MBP: variants seen among roughly 807,000 people sequenced by gnomAD.
MBP encodes myelin basic protein.
MBP carries 16 observed loss-of-function variants against 35.8 expected under a neutral mutation model. The observed-to-expected ratio is 0.45, with a 90% CI of 0.30 to 0.68. MBP has a LOEUF of 0.68. Among genes scored for constraint, MBP ranks in the 30% least tolerant of loss-of-function variants. MBP has a pLI of 0.08. For missense variants in MBP, 380 were observed against 404.7 expected (o/e 0.94, Z 0.52); for synonymous variants, 143 against 159.6 (o/e 0.90, Z 0.78).
chr18:77,028,361 A>G (rs1322467814), intron 3 of MBP, among the ~76,000 whole-genome samples: 1 of 132,036 alleles, frequency 7.6e-6, no homozygotes, highest in Non-Finnish European at 1.7e-5. Flanking sequence ...TTAGTACAGA[A>G]CAAAATGAAA....
rs1301787911 is a variant in MBP, at chr18:76,989,076, C to A, written c.682-164G>T. ...GTCCTAGTTGGTGAAGAAGTATAGA[C>A]CTGAGATTGAAAATATTCTAGATGA... On this transcript the variant is annotated intron_variant, in intron 5 of 8. Transcript: ENST00000355994. The surrounding 1 kb of genome is among the most constrained non-coding windows in gnomAD (Gnocchi z 4.0). 4.0e-6 allele frequency: 3 copies of A among 746,334 alleles called. No individual in the cohort carries two copies. Among genetic ancestry groups the A allele is most frequent in the East Asian group, 5.0e-5 (2 of 39,674 alleles). The allele number at this position is 746,334 out of a possible 1,614,324, so 46.2% of individuals were successfully genotyped here.
intron 1 of MBP, chr18:77,115,359 T>C (rs925391095): frequency 2.0e-5 from 3 of 152,240 alleles, no homozygotes; most frequent in African/African-American, 7.2e-5. Flanking sequence ...AACAAATGTG[T>C]TGGCCCCATG....
chr18:77,053,902 G>C (rs954397981), intron 3 of MBP, among the ~76,000 whole-genome samples: 1 of 152,210 alleles, frequency 6.6e-6, no homozygotes, highest in African/African-American at 2.4e-5. Flanking sequence ...TCCGGAGTCG[G>C]GGCTCGGACA....
rs78045313 is a variant in MBP at position 77,105,297 on chromosome 18, A to G, written c.-25-11T>C. On this transcript the variant is annotated splice_polypyrimidine_tract_variant and intron_variant, in intron 1 of 8. Transcript: ENST00000355994. ...TTGGCTCTTCAGAGGCTAAAAGAGA[A>G]AGAGAAAGTGTCAGCCCTAAGTCTA... 23,560 of 1,566,700 alleles carry G rather than the reference A, an allele frequency of 0.015. 343 individuals are homozygous for G. Among genetic ancestry groups the G allele is most frequent in the East Asian group, 0.07 (3,133 of 44,472 alleles).
rs920137772 is a variant in MBP, at chr18:77,131,304, C to G, written c.-26+1276G>C. ...ATACGGTCCCCTGACTTGAGGGTGA[C>G]CGTCCTTAAACTGTCCCCCGGAGCT... On this transcript the variant is annotated intron_variant, in intron 1 of 8. Coordinates refer to ENST00000355994, the MANE Select transcript of MBP (RefSeq NM_001025101.2). This position sits in a 1 kb window ranked among gnomAD's most constrained non-coding sequence, Gnocchi z 5.5. 7.9e-5 allele frequency among the ~76,000 whole-genome samples: 12 copies of G among 152,162 alleles called. No homozygotes were observed. The highest frequency in any genetic ancestry group is 2.9e-4 in the African/African-American group (12 of 41,426).
intron 4 of MBP, among the ~76,000 whole-genome samples, chr18:76,999,529 C>T (rs547007953): frequency 6.6e-6 from 1 of 151,322 alleles, no homozygotes; most frequent in African/African-American, 2.4e-5. Context: ...GATCTTGGCT[C>T]ACTGCAACCT....
Position 77,001,171 on chromosome 18 carries a change from T to C in MBP, c.577-11111A>G, listed in dbSNP as rs1970612751. Among the ~76,000 whole-genome samples the C allele has an allele frequency of 2.0e-5, 3 of 152,188 alleles. No individual in the cohort carries two copies. The South Asian group carries it at 6.2e-4, about 32-fold the overall frequency. On this transcript the variant is annotated intron_variant, in intron 4 of 8. Transcript: ENST00000355994. ...CCCACCGGGTCCCCGCCCACCCGGT[T>C]CCCACTCATAGGGTCCCCGCTCACT...
chr18:77,066,131 C>T (rs900753454), intron 3 of MBP, 167 bp downstream of exon 3: 7 of 620,028 alleles, frequency 1.1e-5, no homozygotes, highest in Admixed American at 5.9e-5. Flanking sequence ...ATGAAGTGTG[C>T]GATTACAGAC....
At chr18:77,127,813 A>T in intron 1 of MBP, 1 of 152,170 alleles carries the variant, frequency 6.6e-6, no homozygotes, top group East Asian at 1.9e-4. Context: ...AATGCAAATT[A>T]AACCATCAGG....
chr18:77,095,595 T>C (rs1975726024), intron 2 of MBP: 1 of 152,240 alleles, frequency 6.6e-6, no homozygotes, highest in Non-Finnish European at 1.5e-5. Flanking sequence ...AACACATAAT[T>C]GCAAGAGGAA....
chr18:77,016,418 G>C lies in MBP; in HGVS notation c.576+414C>G, dbSNP rs1340287851. 7 of 1,015,314 alleles carry C rather than the reference G, an allele frequency of 6.9e-6. No individual in the cohort carries two copies. The African/African-American group carries it at 1.0e-4, about 15-fold the overall frequency. 62.9% of individuals were successfully genotyped at this position (1,015,314 alleles called of 1,614,324 possible). ...CATGAAGCTAGCAGCACTGACTCCA[G>C]GAAAAAACGAGCATAACCCAGTGTT... On this transcript the variant is annotated intron_variant, in intron 4 of 8. Coordinates refer to ENST00000355994, the MANE Select transcript of MBP (RefSeq NM_001025101.2).
At chr18:77,106,338 G>C (rs1976275418) in intron 1 of MBP, among the ~76,000 whole-genome samples, 2 of 152,136 alleles carry the variant, frequency 1.3e-5, no homozygotes, top group East Asian at 1.9e-4. Flanking sequence ...ATGTTACCGG[G>C]GTCCCTTTTT....
chr18:77,121,353 T>C lies in MBP; in HGVS notation c.-26+11227A>G, dbSNP rs545732363. On this transcript the variant is annotated intron_variant, in intron 1 of 8. Transcript: ENST00000355994. ...AAATAAGATTTTTACTTTAAGTTCC[T>C]ATAGTACGTGTTATTTTGGTGTTGC... 5.9e-5 allele frequency among the ~76,000 whole-genome samples: 9 copies of C among 152,278 alleles called. No individual in the cohort carries two copies. The South Asian group carries it at 8.3e-4, about 14-fold the overall frequency.
At chr18:77,005,671 T>C (rs1436909851) in intron 4 of MBP, 2 of 152,326 alleles carry the variant, frequency 1.3e-5, no homozygotes, top group Non-Finnish European at 2.9e-5. Flanking sequence ...ATTTTCATTT[T>C]ACAGTTTCGG....
chr18:76,995,631 AAAC>A (rs571279726), intron 4 of MBP, among the ~76,000 whole-genome samples: 20 of 152,366 alleles, frequency 1.3e-4, no homozygotes, highest in Admixed American at 4.6e-4. Context: ...ATGTTAAAAA[AAAC>A]AACGACCACG....
chr18:77,069,661 G>C (rs1167204139), intron 2 of MBP, among the ~76,000 whole-genome samples: 1 of 152,178 alleles, frequency 6.6e-6, no homozygotes, highest in African/African-American at 2.4e-5. Flanking sequence ...TAAGTGCGTG[G>C]CGGGGGATAA....
rs139336753 is a variant in MBP, at chr18:77,008,120, C to G, written c.576+8712G>C. Among the ~76,000 whole-genome samples, 184 of 152,244 alleles carry G rather than the reference C, an allele frequency of 1.2e-3. 2 individuals are homozygous for G. Among genetic ancestry groups the G allele is most frequent in the African/African-American group, 4.1e-3 (172 of 41,546 alleles). On this transcript the variant is annotated intron_variant, in intron 4 of 8. Coordinates refer to ENST00000355994, the MANE Select transcript of MBP (RefSeq NM_001025101.2). ...AGCAGGGAACGGGGTAGGGGCCAAG[C>G]CGCTACCTGCCAGCGCGTCACACAC...
At chr18:77,024,994 C>G (rs931179530) in intron 3 of MBP, among the ~76,000 whole-genome samples, 3 of 152,186 alleles carry the variant, frequency 2.0e-5, no homozygotes, top group African/African-American at 7.2e-5. Flanking sequence ...CATTCCTGAG[C>G]AGATTGCAGG....
chr18:77,086,538 T>C (rs1683133238), intron 2 of MBP, among the ~76,000 whole-genome samples: 1 of 152,226 alleles, frequency 6.6e-6, no homozygotes, highest in African/African-American at 2.4e-5. Context: ...AACCTCTCTA[T>C]GGAGCATTCA....
Sources: allele counts gnomAD v4.1 joint callset (sites outside exome capture counted in the v4.1 genomes callset), GRCh38; gene constraint gnomAD v4.1.1; non-coding constraint Gnocchi (gnomAD v3.1); transcripts MANE v1.5; gene names NCBI Gene and HGNC (gene_info 2026-07-23, HGNC 2026-07-21).